The following COL19A1 variants were observed in gnomAD, a reference collection of about 807,000 sequenced individuals.
COL19A1 encodes the protein collagen type XIX alpha 1 chain.
A neutral mutation model predicts 190.2 loss-of-function variants in COL19A1; 159 were observed. That is an observed-to-expected ratio of 0.84 (90% CI 0.73 to 0.95). COL19A1 has a LOEUF of 0.95. Ranked by LOEUF, COL19A1 falls within the 40% of genes least tolerant of loss-of-function variation. The pLI, the probability that COL19A1 is intolerant of heterozygous loss-of-function variation, is 0.00. For missense variants in COL19A1, 1,418 were observed against 1,431.9 expected, an observed-to-expected ratio of 0.99 and a Z score of 0.16; for synonymous variants, 509 against 458.9, an observed-to-expected ratio of 1.11 and a Z score of -1.39.
intron 1 of COL19A1, among the ~76,000 whole-genome samples, chr6:69,875,463 A>G (rs1768077846): frequency 2.0e-5 from 3 of 152,204 alleles, no homozygotes; most frequent in Non-Finnish European, 4.4e-5. Flanking sequence ...TTCAGTAATG[A>G]ATGAATTCAG....
chr6:69,898,058 T>C (rs1769911037), intron 2 of COL19A1, among the ~76,000 whole-genome samples: 1 of 151,654 alleles, frequency 6.6e-6, no homozygotes, highest in Non-Finnish European at 1.5e-5. Flanking sequence ...GTAGTTTATC[T>C]CCTCTCTATA....
intron 39 of COL19A1, 39 bp from the exon 40 acceptor site, chr6:70,168,616 T>C (rs776178636): frequency 2.5e-6 from 4 of 1,608,078 alleles, no homozygotes; most frequent in Admixed American, 3.4e-5. Context: ...ACTGCTTTGG[T>C]CATTATTTGA....
chr6:70,150,473 T>G (rs1786986693), intron 30 of COL19A1, among the ~76,000 whole-genome samples: 3 of 152,136 alleles, frequency 2.0e-5, no homozygotes. Context: ...GATGATTAAA[T>G]TATGAAAACT....
intron 42 of COL19A1, among the ~76,000 whole-genome samples, chr6:70,178,430 T>A (rs1487755574): frequency 6.6e-6 from 1 of 152,038 alleles, no homozygotes; most frequent in Non-Finnish European, 1.5e-5. Flanking sequence ...TAAGAAAGGG[T>A]AAAAAATTTA....
At chr6:70,178,442 A>G (rs918156554) in intron 42 of COL19A1, among the ~76,000 whole-genome samples, 2 of 152,208 alleles carry the variant, frequency 1.3e-5, no homozygotes, top group Non-Finnish European at 2.9e-5. Flanking sequence ...AAAAATTTAC[A>G]TACTACAAAC....
chr6:70,087,359 C>A (rs1782647914), intron 15 of COL19A1, among the ~76,000 whole-genome samples: 1 of 151,950 alleles, frequency 6.6e-6, no homozygotes, highest in Admixed American at 6.6e-5. Context: ...GACCGTGGAG[C>A]AAAGATCTAA....
intron 4 of COL19A1, among the ~76,000 whole-genome samples, chr6:69,920,842 A>G (rs1421132151): frequency 6.7e-6 from 1 of 149,590 alleles, no homozygotes; most frequent in African/African-American, 2.5e-5. Flanking sequence ...AACTACATAC[A>G]ACATGTATAA....
At chr6:70,194,381 C>A (rs1767067359) in intron 48 of COL19A1, among the ~76,000 whole-genome samples, 1 of 152,168 alleles carries the variant, frequency 6.6e-6, no homozygotes, top group African/African-American at 2.4e-5. Flanking sequence ...ATTTTCCAGG[C>A]CACCTAACCT....
In COL19A1 at chr6:70,180,509, C is replaced by T. The variant is rs1766105479; in HGVS notation, c.2761C>T (p.Pro921Ser). 1 of 1,614,076 alleles carries T rather than the reference C, an allele frequency of 6.2e-7. No homozygotes were observed. Among genetic ancestry groups the T allele is most frequent in the Non-Finnish European group, 8.5e-7 (1 of 1,179,986 alleles). ...GDIGFPGPEG[P>S]SGKPGINGKD... Reference sequence around the variant, plus strand: ...TATAGGTTTCCCTGGACCAGAAGGACCCTCAGGAAAGCCAGTAAGTACTTC... The same window carrying T: ...TATAGGTTTCCCTGGACCAGAAGGATCCTCAGGAAAGCCAGTAAGTACTTC... The change falls in exon 44 of 51, where the codon CCC (proline) becomes TCC (serine). Residue 921 changes from proline to serine, a missense_variant. Coordinates refer to ENST00000620364, the MANE Select transcript of COL19A1 (RefSeq NM_001858.6).
Position 69,935,610 on chromosome 6 carries a change from C to T in COL19A1, c.748-1175C>T, listed in dbSNP as rs1179371069. ...TCTGGAGAGAGTAGATTTGAAAGAA[C>T]TAGTGGTGGATACAGTAAACTAGTT... is the stretch of plus-strand genomic sequence containing the variant. On this transcript the variant is annotated intron_variant, in intron 7 of 50. Transcript: ENST00000620364. 2.0e-5 allele frequency among the ~76,000 whole-genome samples: 3 copies of T among 151,884 alleles called. No homozygotes were observed. The East Asian group carries it at 5.8e-4, about 29-fold the overall frequency.
chr6:69,867,430 G>A lies in COL19A1; in HGVS notation c.-33+790G>A, dbSNP rs540821055. On this transcript the variant is annotated intron_variant, in intron 1 of 50. Coordinates refer to ENST00000620364, the MANE Select transcript of COL19A1 (RefSeq NM_001858.6). ...CGGAACGTCCCAGTCGCGGCGCGAGGAAGACGCGGCCCCAGCCTCTGCCGC... is the reference window on the plus strand; with the variant it reads ...CGGAACGTCCCAGTCGCGGCGCGAGAAAGACGCGGCCCCAGCCTCTGCCGC... 63 of 153,732 alleles carry A rather than the reference G, an allele frequency of 4.1e-4. 1 individual carries two copies. The South Asian group carries it at 0.01, about 25-fold the overall frequency. 9.5% of individuals were successfully genotyped at this position (153,732 alleles called of 1,614,324 possible).
chr6:70,195,796 T>C (rs1325684373), intron 48 of COL19A1, among the ~76,000 whole-genome samples: 1 of 152,240 alleles, frequency 6.6e-6, no homozygotes, highest in Admixed American at 6.5e-5. Flanking sequence ...ATTCCTCTAC[T>C]TCTAGTCTAA....
intron 11 of COL19A1, among the ~76,000 whole-genome samples, chr6:70,005,201 G>A (rs1777543455): frequency 6.6e-6 from 1 of 152,130 alleles, no homozygotes; most frequent in Admixed American, 6.5e-5. Flanking sequence ...CTGGAGAGAT[G>A]TTACAATCAT....
intron 16 of COL19A1, among the ~76,000 whole-genome samples, chr6:70,121,374 G>C (rs150266907): frequency 4.4e-4 from 67 of 152,268 alleles, no homozygotes; most frequent in Admixed American, 1.3e-3. Context: ...AGATTTTATA[G>C]CACACATCTT....
At chr6:69,998,506 C>CATG (rs1777058093) in intron 11 of COL19A1, among the ~76,000 whole-genome samples, 1 of 151,662 alleles carries the variant, frequency 6.6e-6, no homozygotes, top group African/African-American at 2.4e-5. Flanking sequence ...ACTAACCGAG[C>CATG]ATGATGGTGC....
chr6:70,120,763 G>A (rs575978111), intron 16 of COL19A1, among the ~76,000 whole-genome samples: 1 of 152,200 alleles, frequency 6.6e-6, no homozygotes, highest in East Asian at 1.9e-4. Flanking sequence ...TTTATGTTTA[G>A]TGGCACAATG....
chr6:70,189,503 A>T (rs1766725563), intron 47 of COL19A1, among the ~76,000 whole-genome samples: 1 of 152,222 alleles, frequency 6.6e-6, no homozygotes, highest in Non-Finnish European at 1.5e-5. Context: ...TTAATGCCAC[A>T]CATATACCCC....
chr6:70,093,544 G>A (rs1783055618), intron 15 of COL19A1, among the ~76,000 whole-genome samples: 2 of 151,890 alleles, frequency 1.3e-5, no homozygotes, highest in Non-Finnish European at 2.9e-5. Flanking sequence ...AGAGACGTGA[G>A]GGCAAGCAGA....
Position 70,174,698 on chromosome 6 carries a change from G to T in COL19A1, c.2623-1822G>T, listed in dbSNP as rs1406607966. ...GACGGTGAGTACTGGACGGAAGAAT[G>T]GGAAAAGACCCTTACTGGCTTACTG... is the stretch of plus-strand genomic sequence containing the variant. On this transcript the variant is annotated intron_variant, in intron 41 of 50. Transcript: ENST00000620364. Among the ~76,000 whole-genome samples the T allele has an allele frequency of 3.3e-5, 5 of 152,298 alleles. No homozygotes were observed. The East Asian group carries it at 9.6e-4, about 29-fold the overall frequency.
Sources: gnomAD v4.1 joint callset for allele counts (sites outside exome capture counted in the v4.1 genomes callset) on GRCh38, gnomAD v4.1.1 for gene constraint, MANE v1.5 for transcripts, NCBI Gene and HGNC (gene_info 2026-07-23, HGNC 2026-07-21) for gene names.